The following USP6NL variants were observed in gnomAD, a reference collection of about 807,000 sequenced individuals.
USP6NL encodes the protein USP6 N-terminal-like protein.
Under a neutral mutation model 61.9 loss-of-function variants are expected in USP6NL, and 26 were observed. The observed-to-expected ratio is 0.42, with a 90% CI of 0.31 to 0.58. The LOEUF is 0.58. Ranked by LOEUF, USP6NL falls within the 20% of genes least tolerant of loss-of-function variation. The pLI is 0.16. For missense variants in USP6NL, 1,114 were observed against 1,034.3 expected (o/e 1.08, Z -1.06); for synonymous variants, 432 against 390.1 (o/e 1.11, Z -1.27).
intron 2 of USP6NL, chr10:11,565,360 G>A (rs1296631274): frequency 6.6e-6 from 1 of 152,272 alleles, no homozygotes; most frequent in African/African-American, 2.4e-5. Context: ...GTAGCATCCA[G>A]GCCGGGCGTA....
At chr10:11,483,889 C>A (rs1457910004) in intron 13 of USP6NL, among the ~76,000 whole-genome samples, 2 of 152,024 alleles carry the variant, frequency 1.3e-5, no homozygotes, top group Non-Finnish European at 2.9e-5. Context: ...AAAAACTAAA[C>A]ATAACAAAAG....
chr10:11,574,823 G>A lies in USP6NL; in HGVS notation c.4+22808C>T, dbSNP rs753511909. Among the ~76,000 whole-genome samples the A allele has an allele frequency of 5.9e-5, 9 of 152,214 alleles. No individual in the cohort carries two copies. The highest frequency in any genetic ancestry group is 2.9e-5 in the Non-Finnish European group (2 of 68,038). ...TTTCCCATTTTTCAGCTGGACAACT[G>A]AGCACAGTGAATCAACCAAGGTTAC... is the stretch of plus-strand genomic sequence containing the variant. On this transcript the variant is annotated intron_variant, in intron 2 of 14. Coordinates refer to ENST00000609104, the MANE Select transcript of USP6NL (RefSeq NM_014688.5). This position sits in a 1 kb window ranked among gnomAD's most constrained non-coding sequence, Gnocchi z 4.3.
rs1833889436 is a variant in USP6NL, at chr10:11,495,620, T to C, written c.385-2392A>G. ...AGTTTTTCATTACTAATATTTGTTATATTCATAAGCTCTGTTGTTTTTGAG... is the reference window on the plus strand; with the variant it reads ...AGTTTTTCATTACTAATATTTGTTACATTCATAAGCTCTGTTGTTTTTGAG... On this transcript the variant is annotated intron_variant, in intron 7 of 14. Coordinates refer to ENST00000609104, the MANE Select transcript of USP6NL (RefSeq NM_014688.5). The surrounding 1 kb of genome is among the most constrained non-coding windows in gnomAD (Gnocchi z 4.6). Among the ~76,000 whole-genome samples the C allele has an allele frequency of 6.6e-6, 1 of 152,222 alleles. No individual in the cohort carries two copies. Among genetic ancestry groups the C allele is most frequent in the South Asian group, 2.1e-4 (1 of 4,830 alleles).
intron 14 of USP6NL, among the ~76,000 whole-genome samples, chr10:11,480,150 C>G (rs1258711700): frequency 6.6e-6 from 1 of 152,132 alleles, no homozygotes; most frequent in Non-Finnish European, 1.5e-5. Flanking sequence ...CCTGGTAAAA[C>G]GATCTTACAG....
intron 7 of USP6NL, among the ~76,000 whole-genome samples, chr10:11,493,976 C>T (rs1461840899): frequency 6.6e-6 from 1 of 152,228 alleles, no homozygotes; most frequent in Non-Finnish European, 1.5e-5. Flanking sequence ...CATGCTGGGC[C>T]CCCTGTTTCC....
chr10:11,608,392 C>T (rs936671265), intron 1 of USP6NL, among the ~76,000 whole-genome samples: 2 of 152,184 alleles, frequency 1.3e-5, no homozygotes, highest in African/African-American at 4.8e-5. Flanking sequence ...GTGCCAAGGG[C>T]CTTCTCCACA....
intron 5 of USP6NL, among the ~76,000 whole-genome samples, chr10:11,515,351 C>T (rs1166594934): frequency 6.6e-6 from 1 of 152,220 alleles, no homozygotes; most frequent in Non-Finnish European, 1.5e-5. Context: ...GGGATTTGCT[C>T]AGATTCAAGT....
Position 11,463,647 on chromosome 10 carries a change from T to G in USP6NL, c.1281A>C (p.Arg427Ser), listed in dbSNP as rs1454452719. Reference sequence around the variant, plus strand: ...CCGATTTCCGTCTTGGCGGCTGTGCTCTCTCGGGCGTCCCGGTCCTGCTCT... The same window carrying G: ...CCGATTTCCGTCTTGGCGGCTGTGCGCTCTCGGGCGTCCCGGTCCTGCTCT... ...HPQSRTGTPE[R>S]AQPPRRKSVE... is the part of the protein sequence containing the mutation. The change falls in exon 15 of 15, where the codon AGA (arginine) becomes AGC (serine). Residue 427 changes from arginine (R) to serine (S), a missense_variant. Physicochemically the swap from Arg to Ser is moderately radical, Grantham distance 110. Transcript: ENST00000609104. This position sits in a 1 kb window ranked among gnomAD's most constrained non-coding sequence, Gnocchi z 6.3. The G allele has an allele frequency of 2.5e-6, 4 of 1,613,966 alleles. No homozygotes were observed. The highest frequency in any genetic ancestry group is 2.5e-6 in the Non-Finnish European group (3 of 1,179,882).
rs1216517229 is a variant in USP6NL at position 11,474,123 on chromosome 10, C to T, written c.1078+7647G>A. Among the ~76,000 whole-genome samples, 1 of 152,190 alleles carries T rather than the reference C, an allele frequency of 6.6e-6. No individual in the cohort carries two copies. The highest frequency in any genetic ancestry group is 1.9e-4 in the East Asian group (1 of 5,184). On this transcript the variant is annotated intron_variant, in intron 14 of 14. Transcript: ENST00000609104. This position sits in a 1 kb window ranked among gnomAD's most constrained non-coding sequence, Gnocchi z 4.9. ...AAAAAAGTCTTAATTCCTGAAGATC[C>T]AGAACTAAATGGCAAAGTTTAAGAG...
At chr10:11,566,915 C>T (rs1473696077) in intron 2 of USP6NL, among the ~76,000 whole-genome samples, 1 of 152,186 alleles carries the variant, frequency 6.6e-6, no homozygotes, top group Non-Finnish European at 1.5e-5. Context: ...CATTTGAGAC[C>T]AGCCTGGGCA....
chr10:11,462,470 G>A lies in USP6NL; in HGVS notation c.2458C>T (p.Leu820Phe). The A allele has an allele frequency of 6.2e-7, 1 of 1,613,768 alleles. No individual in the cohort carries two copies. The highest frequency in any genetic ancestry group is 1.1e-5 in the South Asian group (1 of 91,044). Reference sequence around the variant, plus strand: ...AGCAACACTGACTCTTGGATGGAAAGCCCGTCCCGATTCCTGTAGTGGTAG... The same window carrying A: ...AGCAACACTGACTCTTGGATGGAAAACCCGTCCCGATTCCTGTAGTGGTAG... ...PAYHYRNRDG[L>F]SIQESVLL Residue 820 changes from leucine to phenylalanine, a missense_variant, in exon 15 of 15, where the codon CTT (leucine) becomes TTT (phenylalanine). Physicochemically the swap from Leu to Phe is conservative, Grantham distance 22 (BLOSUM62 0). Coordinates refer to ENST00000609104, the MANE Select transcript of USP6NL (RefSeq NM_014688.5).
At chr10:11,524,833 A>T (rs1835353773) in intron 4 of USP6NL, among the ~76,000 whole-genome samples, 1 of 152,176 alleles carries the variant, frequency 6.6e-6, no homozygotes, top group South Asian at 2.1e-4. Flanking sequence ...ACAGATTCAT[A>T]TCATGTGAAG....
At position 11,520,658 on chromosome 10, in the gene USP6NL, G is replaced by A. The variant is rs1417141843; in HGVS notation, c.156-2084C>T. 1.3e-5 allele frequency among the ~76,000 whole-genome samples: 2 copies of A among 152,232 alleles called. No homozygotes were observed. The highest frequency in any genetic ancestry group is 2.9e-5 in the Non-Finnish European group (2 of 68,044). On this transcript the variant is annotated intron_variant, in intron 4 of 14. Coordinates refer to ENST00000609104, the MANE Select transcript of USP6NL (RefSeq NM_014688.5). The surrounding 1 kb of genome is among the most constrained non-coding windows in gnomAD (Gnocchi z 5.2). ...GGACCACAATCTGGGTGAATGCAGA[G>A]AATTCCTTTAGGTCAGCAAACTATG...
chr10:11,536,021 T>C (rs1835818813), intron 2 of USP6NL, among the ~76,000 whole-genome samples: 1 of 152,100 alleles, frequency 6.6e-6, no homozygotes, highest in African/African-American at 2.4e-5. Context: ...CAGATTAACA[T>C]CAAAGCACAA....
intron 2 of USP6NL, among the ~76,000 whole-genome samples, chr10:11,560,487 T>G (rs996763447): frequency 6.6e-6 from 1 of 151,862 alleles, no homozygotes. Context: ...GGCTCAGGAT[T>G]TTTTTTTCTT....
chr10:11,472,417 C>T (rs1173574280), intron 14 of USP6NL, among the ~76,000 whole-genome samples: 3 of 152,214 alleles, frequency 2.0e-5, no homozygotes, highest in South Asian at 2.1e-4. Flanking sequence ...TGACAAGAGG[C>T]GCATCATTGC....
chr10:11,498,659 G>A (rs761973544), intron 7 of USP6NL, among the ~76,000 whole-genome samples: 4 of 152,038 alleles, frequency 2.6e-5, no homozygotes, highest in Non-Finnish European at 4.4e-5. Context: ...TGGTAAAGTA[G>A]GTACTTTATT....
chr10:11,519,636 A>G (rs1835120600), intron 4 of USP6NL, among the ~76,000 whole-genome samples: 9 of 151,934 alleles, frequency 5.9e-5, no homozygotes. Flanking sequence ...ATCTCAAAAT[A>G]AACAAATAAA....
Position 11,462,967 on chromosome 10 carries a change from G to C in USP6NL, c.1961C>G (p.Ala654Gly), listed in dbSNP as rs892207884. ...KHFPTANSSF[A>G]SPQFSPGTQL... is the part of the protein sequence containing the mutation. Reference sequence around the variant, plus strand: ...AGTCCCAGGGCTAAACTGTGGAGAAGCAAAGCTGCTGTTGGCAGTAGGGAA... The same window carrying C: ...AGTCCCAGGGCTAAACTGTGGAGAACCAAAGCTGCTGTTGGCAGTAGGGAA... Residue 654 changes from alanine to glycine, a missense_variant, in exon 15 of 15, where the codon GCT becomes GGT. Coordinates refer to ENST00000609104, the MANE Select transcript of USP6NL (RefSeq NM_014688.5). 1 of 1,613,778 alleles carries C rather than the reference G, an allele frequency of 6.2e-7. No individual in the cohort carries two copies. The highest frequency in any genetic ancestry group is 1.3e-5 in the African/African-American group (1 of 74,916).
Sources: allele counts gnomAD v4.1 joint callset (sites outside exome capture counted in the v4.1 genomes callset), GRCh38; gene constraint gnomAD v4.1.1; non-coding constraint Gnocchi (gnomAD v3.1); transcripts MANE v1.5; gene names NCBI Gene and HGNC (gene_info 2026-07-23, HGNC 2026-07-21).